OR2G6: variants seen among roughly 807,000 people sequenced by gnomAD.
OR2G6 encodes the protein olfactory receptor 2G6.
For missense variants in OR2G6, 457 were observed against 391.3 expected, an observed-to-expected ratio of 1.17 and a Z score of -1.42; for synonymous variants, 183 against 155.2, an observed-to-expected ratio of 1.18 and a Z score of -1.33.
intron 1 of OR2G6, among the ~76,000 whole-genome samples, chr1:248,519,847 G>GT (rs879574112): frequency 6.6e-6 from 1 of 152,120 alleles, no homozygotes; most frequent in Non-Finnish European, 1.5e-5. Context: ...ATTTAAAGTA[G>GT]TTTTTTCTAA....
Position 248,521,972 on chromosome 1 carries a change from C to T in OR2G6, c.326C>T (p.Ser109Leu), listed in dbSNP as rs780367531. 131 of 1,614,006 alleles carry T rather than the reference C, an allele frequency of 8.1e-5. No homozygotes were observed. The highest frequency in any genetic ancestry group is 1.8e-4 in the East Asian group (8 of 44,890). Residue 109 changes from serine (S) to leucine (L), a missense_variant, in exon 2 of 2, where the codon TCG (serine) becomes TTG (leucine). Ser to Leu is a moderately radical substitution (Grantham distance 145, BLOSUM62 -2). Coordinates refer to ENST00000641804, the MANE Select transcript of OR2G6 (RefSeq NM_001013355.2). ...AQLYVAMGLG[S>L]SECILLAVMA... ...CTCTATGTGGCCATGGGGTTGGGCT[C>T]GTCTGAGTGTATTCTCTTGGCCGTC...
chr1:248,523,324 T>C lies in OR2G6; in HGVS notation c.*727T>C, dbSNP rs2103062799. 2 of 152,212 alleles carry C rather than the reference T, an allele frequency of 1.3e-5. No individual in the cohort carries two copies. Among genetic ancestry groups the C allele is most frequent in the East Asian group, 1.9e-4 (1 of 5,192 alleles). The allele number at this position is 152,212 out of a possible 1,614,324, so 9.4% of individuals were successfully genotyped here. A position where few individuals can be genotyped will look rare whatever the true frequency, so the allele number is the denominator to read the frequency against. On this transcript the variant is annotated 3_prime_UTR_variant, in exon 2 of 2. Coordinates refer to ENST00000641804, the MANE Select transcript of OR2G6 (RefSeq NM_001013355.2). ...GTTGTGATGCTTTGGTTCCACAGAA[T>C]TGTGGGATGCAAATAATGACTAATA...
Position 248,524,767 on chromosome 1 carries a change from AATT to A in OR2G6, c.*2175_*2177del, listed in dbSNP as rs1207335388. The A allele has an allele frequency of 1.3e-5, 2 of 152,206 alleles. No homozygotes were observed. The highest frequency in any genetic ancestry group is 4.8e-5 in the African/African-American group (2 of 41,446). The allele number at this position is 152,206 out of a possible 1,614,324, so 9.4% of individuals were successfully genotyped here. ...ACAAATCCCACTGAAAATAAAATCA[AATT>A]ATTACTGTATACAATAAATTCAAAC... On this transcript the variant is annotated 3_prime_UTR_variant, in exon 2 of 2. Coordinates refer to ENST00000641804, the MANE Select transcript of OR2G6 (RefSeq NM_001013355.2).
chr1:248,520,656 T>G (rs565629178), intron 1 of OR2G6, among the ~76,000 whole-genome samples: 2 of 151,992 alleles, frequency 1.3e-5, no homozygotes, highest in Non-Finnish European at 2.9e-5. Flanking sequence ...GTGGATCACT[T>G]GAGGTCAGTT....
In OR2G6 at chr1:248,521,891, T is replaced by G. The variant is rs1302400023; in HGVS notation, c.245T>G (p.Leu82Arg). Residue 82 changes from leucine (L) to arginine (R), a missense_variant, in exon 2 of 2, where the codon CTG becomes CGG. Transcript: ENST00000641804. ...ACCACCAGTGTTGCCCCACAGTTGC[T>G]GGTTACCATGAATAAGAAAGACAAA... ...CFTTSVAPQLLVTMNKKDKTM... is the reference protein window; with the variant it reads ...CFTTSVAPQLRVTMNKKDKTM... 6.2e-7 allele frequency: 1 copy of G among 1,614,062 alleles called. No individual in the cohort carries two copies. The highest frequency in any genetic ancestry group is 8.5e-7 in the Non-Finnish European group (1 of 1,180,042).
rs1399585364 is a variant in OR2G6 at position 248,525,304 on chromosome 1, C to T, written c.*2707C>T. The T allele has an allele frequency of 6.6e-6, 1 of 152,106 alleles. No individual in the cohort carries two copies. Among genetic ancestry groups the T allele is most frequent in the East Asian group, 1.9e-4 (1 of 5,188 alleles). 9.4% of individuals were successfully genotyped at this position (152,106 alleles called of 1,614,324 possible). ...CATTACTAGCTTGATCTGCAGAACA[C>T]GTTTTCAAAGGATGCGCCAAGAAAA... On this transcript the variant is annotated 3_prime_UTR_variant, in exon 2 of 2. Coordinates refer to ENST00000641804, the MANE Select transcript of OR2G6 (RefSeq NM_001013355.2).
chr1:248,520,923 A>G (rs1315746683), intron 1 of OR2G6, among the ~76,000 whole-genome samples: 2 of 149,642 alleles, frequency 1.3e-5, no homozygotes, highest in Admixed American at 6.7e-5. Flanking sequence ...CTGTGCCTGT[A>G]ATCCCAGCTA....
rs1005977233 is a variant in OR2G6, at chr1:248,522,937, G to C, written c.*340G>C. 26 of 225,106 alleles carry C rather than the reference G, an allele frequency of 1.2e-4. No homozygotes were observed. Among genetic ancestry groups the C allele is most frequent in the African/African-American group, 5.0e-4 (22 of 43,828 alleles). 13.9% of individuals were successfully genotyped at this position (225,106 alleles called of 1,614,324 possible). ...TGTCCTTCATCCACCTGCCATCAAG[G>C]TTCATGTATCCATTATTTCCTTCTA... On this transcript the variant is annotated 3_prime_UTR_variant, in exon 2 of 2. Transcript: ENST00000641804.
rs1191598494 is a variant in OR2G6 at position 248,521,714 on chromosome 1, TAG to T, written c.73_74del (p.Arg25ValfsTer62). 6.2e-7 allele frequency: 1 copy of T among 1,614,188 alleles called. No individual in the cohort carries two copies. The highest frequency in any genetic ancestry group is 8.5e-7 in the Non-Finnish European group (1 of 1,180,026). On this transcript the variant is annotated frameshift_variant, in exon 2 of 2. Coordinates refer to ENST00000641804, the MANE Select transcript of OR2G6 (RefSeq NM_001013355.2). LOFTEE classifies it low-confidence loss of function (END_TRUNC). Reference sequence around the variant, plus strand: ...CTGGGATTTTCAGATCAGCCTCAGCTAGAGAGGTTTCTTTTTGCCATCATTTT... The same window carrying T: ...CTGGGATTTTCAGATCAGCCTCAGCTAGAGGTTTCTTTTTGCCATCATTTT...
rs976210908 is a variant in OR2G6, at chr1:248,523,549, T to A, written c.*952T>A. ...AATTTGAAATATGAATCCCACACAC[T>A]GTCTCACGTTAACGATCATAGTTAT... On this transcript the variant is annotated 3_prime_UTR_variant, in exon 2 of 2. Transcript: ENST00000641804. 24 of 152,224 alleles carry A rather than the reference T, an allele frequency of 1.6e-4. No individual in the cohort carries two copies. Among genetic ancestry groups the A allele is most frequent in the African/African-American group, 5.8e-4 (24 of 41,458 alleles). 9.4% of individuals were successfully genotyped at this position (152,224 alleles called of 1,614,324 possible).
Position 248,522,223 on chromosome 1 carries a change from A to T in OR2G6, c.577A>T (p.Thr193Ser), listed in dbSNP as rs369855262. ...CATCAAACTGGCCTGTGTGGATACG[A>T]CTTTCAACGAGGCAGAACTCTTTGT... The part of the protein sequence containing the change: ...VLIKLACVDT[T>S]FNEAELFVAS... The change falls in exon 2 of 2, where the codon ACT becomes TCT. Residue 193 changes from threonine (T) to serine (S), a missense_variant. Physicochemically the swap from Thr to Ser is moderately conservative, Grantham distance 58. Coordinates refer to ENST00000641804, the MANE Select transcript of OR2G6 (RefSeq NM_001013355.2). 1 of 1,613,922 alleles carries T rather than the reference A, an allele frequency of 6.2e-7. No homozygotes were observed. The highest frequency in any genetic ancestry group is 1.3e-5 in the African/African-American group (1 of 74,860).
chr1:248,520,746 C>T (rs111824361), intron 1 of OR2G6, among the ~76,000 whole-genome samples: 18 of 151,574 alleles, frequency 1.2e-4, no homozygotes, highest in African/African-American at 2.4e-4. Flanking sequence ...CAGTGGCTCA[C>T]GCCTATAATC....
chr1:248,509,033 T>C (rs1273227076), intron 1 of OR2G6, among the ~76,000 whole-genome samples: 2 of 82,900 alleles, frequency 2.4e-5, no homozygotes, highest in Non-Finnish European at 4.3e-5. Flanking sequence ...GTTCAGTGCC[T>C]GGCTCATGAT....
chr1:248,519,661 C>T lies in OR2G6; in HGVS notation c.-36-1950C>T, dbSNP rs375282239. Among the ~76,000 whole-genome samples, 32 of 151,922 alleles carry T rather than the reference C, an allele frequency of 2.1e-4. 1 individual carries two copies. The East Asian group carries it at 2.9e-3, about 14-fold the overall frequency. On this transcript the variant is annotated intron_variant, in intron 1 of 1. Coordinates refer to ENST00000641804, the MANE Select transcript of OR2G6 (RefSeq NM_001013355.2). ...GGTTGTAGATGTGCGGTGTTATTTC[C>T]GAGGCCTCTGTTCTGTTCCATTGGT...
chr1:248,520,866 A>G (rs1213873708), intron 1 of OR2G6, among the ~76,000 whole-genome samples: 1 of 134,026 alleles, frequency 7.5e-6, no homozygotes, highest in Non-Finnish European at 1.5e-5. Flanking sequence ...ATATATATAT[A>G]TATAAAAATA....
chr1:248,522,062 G>C lies in OR2G6; in HGVS notation c.416G>C (p.Arg139Thr), dbSNP rs372262251. Residue 139 changes from arginine (R) to threonine (T), a missense_variant, in exon 2 of 2, where the codon AGG (arginine) becomes ACG (threonine). Coordinates refer to ENST00000641804, the MANE Select transcript of OR2G6 (RefSeq NM_001013355.2). ...PLRYIAIMHP[R>T]FCASLAGGAW... ...CGCTACATAGCCATTATGCACCCCA[G>C]GTTCTGTGCGTCTCTGGCCGGTGGA... The C allele has an allele frequency of 1.8e-5, 29 of 1,614,038 alleles. No individual in the cohort carries two copies. Among genetic ancestry groups the C allele is most frequent in the Non-Finnish European group, 2.4e-5 (28 of 1,180,036 alleles).
chr1:248,522,160 C>A lies in OR2G6; in HGVS notation c.514C>A (p.Arg172Ser). 1 of 1,614,142 alleles carries A rather than the reference C, an allele frequency of 6.2e-7. No individual in the cohort carries two copies. The highest frequency in any genetic ancestry group is 8.5e-7 in the Non-Finnish European group (1 of 1,180,022). The change falls in exon 2 of 2, where the codon CGC (arginine) becomes AGC (serine). Residue 172 changes from arginine (R) to serine (S), a missense_variant. By Grantham distance (110) the Arg-to-Ser change is moderately radical. Coordinates refer to ENST00000641804, the MANE Select transcript of OR2G6 (RefSeq NM_001013355.2). ...TGTGCAGCTGCCCCTCTGTGGTCAT[C>A]GCACACTGGATCATATTTTCTGTGA... ...LTVQLPLCGH[R>S]TLDHIFCEVP...
Position 248,525,339 on chromosome 1 carries a change from C to T in OR2G6, c.*2742C>T, listed in dbSNP as rs1487210324. 1.3e-5 allele frequency: 2 copies of T among 152,082 alleles called. No homozygotes were observed. Among genetic ancestry groups the T allele is most frequent in the African/African-American group, 4.8e-5 (2 of 41,394 alleles). 9.4% of individuals were successfully genotyped at this position (152,082 alleles called of 1,614,324 possible). On this transcript the variant is annotated 3_prime_UTR_variant, in exon 2 of 2. Coordinates refer to ENST00000641804, the MANE Select transcript of OR2G6 (RefSeq NM_001013355.2). ...GGATGCGCCAAGAAAAAAACTATCA[C>T]TTAGTTAAATGACCATTCAGTATTG...
rs746955352 is a variant in OR2G6, at chr1:248,521,813, A to C, written c.167A>C (p.His56Pro). Residue 56 changes from histidine (H) to proline (P), a missense_variant, in exon 2 of 2, where the codon CAC (histidine) becomes CCC (proline). Physicochemically the swap from His to Pro is moderately conservative, Grantham distance 77 (BLOSUM62 -2). Transcript: ENST00000641804. ...GTATGTTGTCTGGACTCCAGACTCC[A>C]CACTCCAATGTACTTCTTCCTCAGC... is the stretch of plus-strand genomic sequence containing the variant. The part of the protein sequence containing the change: ...ILVCCLDSRL[H>P]TPMYFFLSNL... The C allele has an allele frequency of 6.2e-7, 1 of 1,614,068 alleles. No individual in the cohort carries two copies.
Sources: allele counts gnomAD v4.1 joint callset (sites outside exome capture counted in the v4.1 genomes callset), GRCh38; gene constraint gnomAD v4.1.1; transcripts MANE v1.5; gene names NCBI Gene and HGNC (gene_info 2026-07-23, HGNC 2026-07-21).